The following OGDH variants were observed in gnomAD, a reference collection of about 807,000 sequenced individuals.
OGDH encodes oxoglutarate dehydrogenase, also known as 2-oxoglutarate dehydrogenase complex component E1.
Under a neutral mutation model 116.6 loss-of-function variants are expected in OGDH, and 38 were observed. The observed-to-expected ratio is 0.33, with a 90% CI of 0.25 to 0.43. The LOEUF (loss-of-function observed/expected upper bound fraction) is 0.43, where lower values mean the gene tolerates loss of function less well. Ranked by LOEUF, OGDH falls within the 20% of genes least tolerant of loss-of-function variation. The pLI is 1.00. For missense variants in OGDH, 825 were observed against 1,357.2 expected (o/e 0.61, Z 6.16); for synonymous variants, 488 against 533.3 (o/e 0.92, Z 1.17).
chr7:44,694,781 A>T lies in OGDH; in HGVS notation c.1668+205A>T, dbSNP rs1788507403. ...TGCTTTATAAAGGAAGTGGGCCTTA[A>T]ACAGTGTTTTGGGGAAGGGAAGGGG... On this transcript the variant is annotated intron_variant, in intron 12 of 22. Coordinates refer to ENST00000222673, the MANE Select transcript of OGDH (RefSeq NM_002541.4). The surrounding 1 kb of genome is among the most constrained non-coding windows in gnomAD (Gnocchi z 4.2). 6.6e-6 allele frequency among the ~76,000 whole-genome samples: 1 copy of T among 152,192 alleles called. No homozygotes were observed. Among genetic ancestry groups the T allele is most frequent in the Non-Finnish European group, 1.5e-5 (1 of 68,040 alleles).
In OGDH at chr7:44,701,606, A is replaced by T. The variant is rs144700525; in HGVS notation, c.2623A>T (p.Met875Leu). The change falls in exon 20 of 23, where the codon ATG (methionine) becomes TTG (leucine). Residue 875 changes from methionine (M) to leucine (L), a missense_variant. Coordinates refer to ENST00000222673, the MANE Select transcript of OGDH (RefSeq NM_002541.4). ...HPEARSSFDE[M>L]LPGTHFQRVI... ...CGAGGCCAGATCCAGCTTTGATGAG[A>T]TGCTTCCAGGTGGGTGTGAGGGAGA... The T allele has an allele frequency of 1.2e-6, 2 of 1,614,116 alleles. No individual in the cohort carries two copies. Among genetic ancestry groups the T allele is most frequent in the African/African-American group, 2.7e-5 (2 of 75,042 alleles).
chr7:44,635,253 G>C (rs544256686), intron 2 of OGDH, among the ~76,000 whole-genome samples: 1 of 152,188 alleles, frequency 6.6e-6, no homozygotes, highest in Non-Finnish European at 1.5e-5. Flanking sequence ...AGAGCCATAC[G>C]CCGGTGTTCC....
At chr7:44,622,828 G>A (rs1034887619) in intron 1 of OGDH, 4 of 152,150 alleles carry the variant, frequency 2.6e-5, no homozygotes, top group East Asian at 1.9e-4. Context: ...TGAACTTTCC[G>A]CTTGGATCCT....
intron 2 of OGDH, among the ~76,000 whole-genome samples, chr7:44,626,455 T>A (rs1387288956): frequency 6.6e-6 from 1 of 152,204 alleles, no homozygotes; most frequent in Non-Finnish European, 1.5e-5. Flanking sequence ...TTTGCCTTCC[T>A]TTTCTCAAAC....
rs1218253563 is a variant in OGDH, at chr7:44,633,274, A to AAC, written c.222+8709_222+8710insAC. 4.8e-5 allele frequency among the ~76,000 whole-genome samples: 7 copies of AAC among 144,966 alleles called. No homozygotes were observed. In the East Asian group the frequency reaches 1.6e-3, roughly 32 times the overall value. On this transcript the variant is annotated intron_variant, in intron 2 of 22. Transcript: ENST00000222673. The stretch of plus-strand genomic sequence containing the variant: ...TGTCAAAAAAAAAAAAAAAAAAAAA[A>AAC]CCCTCAATGGGAAAGTAGACTCCAA...
At position 44,694,011 on chromosome 7, in the gene OGDH, G is replaced by A; in HGVS notation, c.1515+7G>A. On this transcript the variant is annotated splice_region_variant and intron_variant, in intron 11 of 22. Coordinates refer to ENST00000222673, the MANE Select transcript of OGDH (RefSeq NM_002541.4). The surrounding 1 kb of genome is among the most constrained non-coding windows in gnomAD (Gnocchi z 4.2). Reference sequence around the variant, plus strand: ...GGACGTGGTTGTCGATTTGGTGAGTGACTCTGGGGACAGCACGTCCTGGGC... The same window carrying A: ...GGACGTGGTTGTCGATTTGGTGAGTAACTCTGGGGACAGCACGTCCTGGGC... 6.2e-7 allele frequency: 1 copy of A among 1,607,860 alleles called. No individual in the cohort carries two copies.
At chr7:44,695,983 A>T (rs955556140) in intron 12 of OGDH, 42 bp from the exon 13 acceptor site, 4 of 1,108,602 alleles carry the variant, frequency 3.6e-6, no homozygotes, top group Non-Finnish European at 5.5e-6. Flanking sequence ...TGCAGTAGTC[A>T]TGCCCTGTGC....
At chr7:44,641,170 G>A (rs943122680) in intron 2 of OGDH, among the ~76,000 whole-genome samples, 1 of 150,126 alleles carries the variant, frequency 6.7e-6, no homozygotes, top group Non-Finnish European at 1.5e-5. Context: ...CAAAGTGCTG[G>A]GATTACAAGC....
chr7:44,606,897 G>A (rs555674021), intron 1 of OGDH, among the ~76,000 whole-genome samples: 1 of 152,074 alleles, frequency 6.6e-6, no homozygotes, highest in Admixed American at 6.5e-5. Flanking sequence ...GAGATTGGCG[G>A]GTACGGGCGG....
intron 20 of OGDH, among the ~76,000 whole-genome samples, chr7:44,705,043 T>A (rs1402098857): frequency 7.2e-6 from 1 of 139,050 alleles, no homozygotes; most frequent in African/African-American, 3.1e-5. Context: ...ACAAAAGTTT[T>A]TAATTTTCTT....
intron 1 of OGDH, among the ~76,000 whole-genome samples, chr7:44,616,188 T>C (rs1353765716): frequency 6.6e-6 from 1 of 152,210 alleles, no homozygotes; most frequent in African/African-American, 2.4e-5. Context: ...ATATATGCTT[T>C]AATGAGATGT....
intron 1 of OGDH, among the ~76,000 whole-genome samples, chr7:44,614,466 CCTT>C (rs1174482417): frequency 1.3e-5 from 2 of 151,986 alleles, no homozygotes; most frequent in Non-Finnish European, 2.9e-5. Context: ...TCCAGCCCCT[CCTT>C]CTGCCTTCAT....
intron 1 of OGDH, among the ~76,000 whole-genome samples, chr7:44,616,219 C>T (rs191456828): frequency 6.4e-4 from 97 of 152,152 alleles, no homozygotes; most frequent in African/African-American, 2.2e-3. Flanking sequence ...TCCTGCTTTC[C>T]ATAAAGATTT....
chr7:44,634,349 G>T (rs969104907), intron 2 of OGDH, among the ~76,000 whole-genome samples: 1 of 152,208 alleles, frequency 6.6e-6, no homozygotes, highest in East Asian at 1.9e-4. Context: ...TCCGTTTGGG[G>T]AGAGGAAAAG....
At chr7:44,701,110 G>A (rs1411085529) in intron 19 of OGDH, among the ~76,000 whole-genome samples, 1 of 152,234 alleles carries the variant, frequency 6.6e-6, no homozygotes, top group Non-Finnish European at 1.5e-5. Flanking sequence ...AGTATGGGGT[G>A]GAGGCTTGCA....
At chr7:44,645,985 G>T (rs1043156770) in intron 3 of OGDH, among the ~76,000 whole-genome samples, 1 of 152,114 alleles carries the variant, frequency 6.6e-6, no homozygotes, top group Non-Finnish European at 1.5e-5. Flanking sequence ...GGCAGCTGAG[G>T]GTACAGCTGA....
chr7:44,669,728 G>A (rs1010897394), intron 5 of OGDH, among the ~76,000 whole-genome samples: 44 of 151,292 alleles, frequency 2.9e-4, no homozygotes, highest in African/African-American at 1.0e-3. Context: ...GTTGGCTCTT[G>A]TTGTCTGAGA....
chr7:44,625,777 G>A (rs1785179165), intron 2 of OGDH, among the ~76,000 whole-genome samples: 1 of 152,114 alleles, frequency 6.6e-6, no homozygotes, highest in African/African-American at 2.4e-5. Flanking sequence ...CTGTAAACAA[G>A]CTTTCCCTTT....
intron 10 of OGDH, among the ~76,000 whole-genome samples, chr7:44,689,207 CCTTTTTTTTTTTTTT>C (rs1788263551): frequency 1.4e-5 from 2 of 138,554 alleles, no homozygotes; most frequent in Non-Finnish European, 3.1e-5. Context: ...TATCAGGGTT[CCTTTTTTTTTTTTTT>C]TTTTTTTTTT....
Sources: allele counts gnomAD v4.1 joint callset (sites outside exome capture counted in the v4.1 genomes callset), GRCh38; gene constraint gnomAD v4.1.1; non-coding constraint Gnocchi (gnomAD v3.1); transcripts MANE v1.5; gene names NCBI Gene and HGNC (gene_info 2026-07-23, HGNC 2026-07-21).